PEAK1: variants seen among roughly 807,000 people sequenced by gnomAD.
PEAK1 encodes pseudopodium enriched atypical kinase 1.
PEAK1 carries 54 observed loss-of-function variants against 124.7 expected under a neutral mutation model. That is an observed-to-expected ratio of 0.43 (90% CI 0.35 to 0.54). PEAK1 has a LOEUF of 0.54. Among genes scored for constraint, PEAK1 ranks in the 20% least tolerant of loss-of-function variants. The pLI is 0.01. For missense variants in PEAK1, 2,046 were observed against 2,134.5 expected, an observed-to-expected ratio of 0.96 and a Z score of 0.82; for synonymous variants, 719 against 760.0, an observed-to-expected ratio of 0.95 and a Z score of 0.89.
chr15:77,178,044 A>G (rs1446393035), intron 7 of PEAK1: 1 of 152,232 alleles, frequency 6.6e-6, no homozygotes, highest in African/African-American at 2.4e-5. Context: ...TAGCAAATTT[A>G]TAAGGATTTG....
intron 6 of PEAK1, among the ~76,000 whole-genome samples, chr15:77,187,752 G>A (rs996226441): frequency 2.0e-5 from 3 of 152,176 alleles, no homozygotes; most frequent in Non-Finnish European, 4.4e-5. Flanking sequence ...ACTGCTGTAC[G>A]TGGGCTTTTA....
At chr15:77,173,867 T>C (rs144535834) in intron 7 of PEAK1, among the ~76,000 whole-genome samples, 1,591 of 152,334 alleles carry the variant, frequency 0.01, 17 homozygotes, top group Middle Eastern at 0.041. Flanking sequence ...AAGTCTGCAT[T>C]AAGCTGAATT....
chr15:77,207,499 A>G (rs1474082683), intron 6 of PEAK1, among the ~76,000 whole-genome samples: 2 of 152,262 alleles, frequency 1.3e-5, no homozygotes, highest in East Asian at 3.8e-4. Context: ...AAAATGAGTT[A>G]CCAAGCCAAG....
At chr15:77,126,743 C>G (rs528671841) in intron 9 of PEAK1, among the ~76,000 whole-genome samples, 9 of 152,294 alleles carry the variant, frequency 5.9e-5, no homozygotes, top group African/African-American at 1.9e-4. Context: ...GTGATATCTT[C>G]AGAACTTGGA....
intron 1 of PEAK1, among the ~76,000 whole-genome samples, chr15:77,395,213 G>A (rs2070783562): frequency 6.6e-6 from 1 of 152,132 alleles, no homozygotes; most frequent in African/African-American, 2.4e-5. Flanking sequence ...GAAAGAGTCA[G>A]TAAGCTTGAA....
At chr15:77,138,037 T>C (rs2053478681) in intron 8 of PEAK1, among the ~76,000 whole-genome samples, 1 of 152,220 alleles carries the variant, frequency 6.6e-6, no homozygotes, top group Non-Finnish European at 1.5e-5. Context: ...CTTTGCCTGC[T>C]GCCATTCACA....
At chr15:77,273,488 C>G (rs1210041921) in intron 5 of PEAK1, among the ~76,000 whole-genome samples, 1 of 152,082 alleles carries the variant, frequency 6.6e-6, no homozygotes, top group African/African-American at 2.4e-5. Flanking sequence ...AGCTGAGAAT[C>G]AAATCAAGAA....
intron 8 of PEAK1, among the ~76,000 whole-genome samples, chr15:77,154,314 CT>C (rs2054926892): frequency 6.6e-6 from 1 of 151,992 alleles, no homozygotes; most frequent in Admixed American, 6.6e-5. Flanking sequence ...CAACCCCTGC[CT>C]TTTTTTGTTT....
chr15:77,200,438 A>G (rs2058308616), intron 6 of PEAK1, among the ~76,000 whole-genome samples: 1 of 152,178 alleles, frequency 6.6e-6, no homozygotes, highest in South Asian at 2.1e-4. Context: ...TACATTGTTC[A>G]AGGGTCAACT....
intron 3 of PEAK1, among the ~76,000 whole-genome samples, chr15:77,286,057 T>A (rs966031911): frequency 6.6e-6 from 1 of 152,230 alleles, no homozygotes; most frequent in South Asian, 2.1e-4. Context: ...ATGTTGTATC[T>A]TTGTTCTCAA....
chr15:77,206,744 T>C (rs1322343833), intron 6 of PEAK1, among the ~76,000 whole-genome samples: 2 of 151,944 alleles, frequency 1.3e-5, no homozygotes, highest in Non-Finnish European at 1.5e-5. Flanking sequence ...GTCAGACGAG[T>C]AGGTTGCGAA....
chr15:77,401,526 A>G (rs2071375453), intron 1 of PEAK1: 1 of 974,060 alleles, frequency 1.0e-6, no homozygotes, highest in Non-Finnish European at 1.2e-6. Context: ...ATACTCACCT[A>G]AAATCACATT....
intron 6 of PEAK1, among the ~76,000 whole-genome samples, chr15:77,205,488 C>T (rs1179372756): frequency 6.6e-6 from 1 of 152,032 alleles, no homozygotes; most frequent in African/African-American, 2.4e-5. Flanking sequence ...ATCTCTTGAA[C>T]ATTTTAAATT....
intron 5 of PEAK1, among the ~76,000 whole-genome samples, chr15:77,261,539 G>T (rs138990101): frequency 1.3e-5 from 2 of 151,704 alleles, no homozygotes; most frequent in Non-Finnish European, 2.9e-5. Flanking sequence ...AAGATCAAAT[G>T]AATGAAATGC....
intron 2 of PEAK1, among the ~76,000 whole-genome samples, chr15:77,301,128 C>A (rs905398805): frequency 6.6e-6 from 1 of 152,076 alleles, no homozygotes; most frequent in Non-Finnish European, 1.5e-5. Flanking sequence ...GTTCTAGAGA[C>A]GAGAAATCAA....
intron 1 of PEAK1, chr15:77,417,467 G>GGGGGGGGT: frequency 1.3e-6 from 1 of 774,328 alleles, no homozygotes. Flanking sequence ...GGCGGGGGGG[G>GGGGGGGGT]AGGGGGGCAA....
chr15:77,378,877 T>C (rs2069245062), intron 1 of PEAK1, among the ~76,000 whole-genome samples: 1 of 152,350 alleles, frequency 6.6e-6, no homozygotes, highest in Non-Finnish European at 1.5e-5. Flanking sequence ...GTAATCACCA[T>C]GTCTTTAGCC....
intron 2 of PEAK1, chr15:77,345,938 G>A (rs930435218): frequency 2.0e-6 from 2 of 984,848 alleles, no homozygotes; most frequent in Admixed American, 6.2e-5. Flanking sequence ...ATTAATTATA[G>A]CACATAGCAA....
intron 6 of PEAK1, among the ~76,000 whole-genome samples, chr15:77,206,820 T>C (rs1002697701): frequency 2.0e-5 from 3 of 152,172 alleles, no homozygotes; most frequent in African/African-American, 7.2e-5. Flanking sequence ...GTGCAGAAGC[T>C]CTTTAGTTTA....
Sources: allele counts gnomAD v4.1 joint callset (sites outside exome capture counted in the v4.1 genomes callset), GRCh38; gene constraint gnomAD v4.1.1; transcripts MANE v1.5; gene names NCBI Gene and HGNC (gene_info 2026-07-23, HGNC 2026-07-21).